The following FCHO2 variants were observed in gnomAD, a reference collection of about 807,000 sequenced individuals.
FCHO2 encodes the protein F-BAR domain only protein 2.
FCHO2 carries 43 observed loss-of-function variants against 114.1 expected under a neutral mutation model. That is an observed-to-expected ratio of 0.38 (90% CI 0.30 to 0.49). The LOEUF (loss-of-function observed/expected upper bound fraction) is 0.49, where lower values mean the gene tolerates loss of function less well. Ranked by LOEUF, FCHO2 falls within the 20% of genes least tolerant of loss-of-function variation. The pLI is 0.97. For missense variants in FCHO2, 807 were observed against 950.4 expected, an observed-to-expected ratio of 0.85 and a Z score of 1.98; for synonymous variants, 293 against 315.2, an observed-to-expected ratio of 0.93 and a Z score of 0.75.
At chr5:73,011,309 C>G (rs1016772737) in intron 6 of FCHO2, among the ~76,000 whole-genome samples, 3 of 152,048 alleles carry the variant, frequency 2.0e-5, no homozygotes, top group African/African-American at 4.8e-5. Flanking sequence ...TTAACCTTAG[C>G]TTATTGTAAC....
Position 73,052,507 on chromosome 5 carries a change from T to G in FCHO2, c.1173T>G (p.Ser391=). 6.3e-7 allele frequency: 1 copy of G among 1,582,296 alleles called. No homozygotes were observed. Among genetic ancestry groups the G allele is most frequent in the Non-Finnish European group, 8.6e-7 (1 of 1,163,158 alleles). ...IGNITLSPAI[S]RHSPVQMNRN... ...ATATAACACTCTCCCCAGCAATATC[T>G]GTAAGTACAAACACGTTTGTACTCT... The change falls in exon 13 of 26, where the codon TCT becomes TCG. Residue 391 remains serine (S), a splice_region_variant and synonymous_variant. Coordinates refer to ENST00000430046, the MANE Select transcript of FCHO2 (RefSeq NM_138782.3).
chr5:73,025,927 T>G (rs932554631), intron 8 of FCHO2, among the ~76,000 whole-genome samples: 2 of 152,228 alleles, frequency 1.3e-5, no homozygotes, highest in Non-Finnish European at 2.9e-5. Flanking sequence ...GGCGGATGAG[T>G]TCCACCCTAA....
At chr5:73,022,125 A>C (rs896044886) in intron 8 of FCHO2, among the ~76,000 whole-genome samples, 1 of 152,216 alleles carries the variant, frequency 6.6e-6, no homozygotes, top group Non-Finnish European at 1.5e-5. Flanking sequence ...CTAAGTGTAG[A>C]TATGTTGACA....
At chr5:73,054,113 T>A in intron 13 of FCHO2, 47 bp from the exon 14 acceptor site, 3 of 1,356,826 alleles carry the variant, frequency 2.2e-6, no homozygotes, top group Non-Finnish European at 3.0e-6. Flanking sequence ...AAAAATACAG[T>A]ATTCAGAATT....
At chr5:73,035,107 A>G (rs1265076033) in intron 9 of FCHO2, among the ~76,000 whole-genome samples, 1 of 152,108 alleles carries the variant, frequency 6.6e-6, no homozygotes, top group East Asian at 1.9e-4. Flanking sequence ...GTAACATTTC[A>G]TTAATTTATG....
intron 1 of FCHO2, among the ~76,000 whole-genome samples, chr5:72,956,645 A>G (rs1751562110): frequency 6.6e-6 from 1 of 152,154 alleles, no homozygotes; most frequent in South Asian, 2.1e-4. Context: ...GGGCTGGACT[A>G]GCACTTCCTC....
At chr5:72,983,129 G>C (rs1753315290) in intron 2 of FCHO2, among the ~76,000 whole-genome samples, 1 of 151,980 alleles carries the variant, frequency 6.6e-6, no homozygotes, top group Non-Finnish European at 1.5e-5. Flanking sequence ...ATCCAGGATG[G>C]TCTCGATCTC....
intron 2 of FCHO2, among the ~76,000 whole-genome samples, chr5:72,972,696 C>T (rs1752626358): frequency 2.0e-5 from 3 of 152,100 alleles, no homozygotes; most frequent in Admixed American, 2.0e-4. Context: ...CCTTTATTTC[C>T]TTCTCCTGCC....
At chr5:73,048,227 A>T (rs1184883224) in intron 11 of FCHO2, among the ~76,000 whole-genome samples, 1 of 151,918 alleles carries the variant, frequency 6.6e-6, no homozygotes, top group African/African-American at 2.4e-5. Flanking sequence ...AGGTGAGCAG[A>T]TCAACTGAGG....
intron 24 of FCHO2, among the ~76,000 whole-genome samples, chr5:73,085,937 A>G (rs1349252635): frequency 6.6e-6 from 1 of 151,882 alleles, no homozygotes; most frequent in Non-Finnish European, 1.5e-5. Context: ...AGCCTGGCCA[A>G]TATGGTGAAA....
At chr5:73,031,006 T>C (rs558918118) in intron 8 of FCHO2, among the ~76,000 whole-genome samples, 11 of 152,204 alleles carry the variant, frequency 7.2e-5, no homozygotes, top group Non-Finnish European at 1.5e-4. Flanking sequence ...CTTTTATAAA[T>C]GATACAACCT....
intron 21 of FCHO2, 67 bp downstream of exon 21, chr5:73,077,560 T>A (rs1306134991): frequency 3.4e-6 from 5 of 1,474,008 alleles, no homozygotes; most frequent in Non-Finnish European, 4.5e-6. Context: ...CTGTGCACAG[T>A]GGCTCACGCC....
chr5:73,014,905 G>A (rs917973688), intron 6 of FCHO2, among the ~76,000 whole-genome samples: 2 of 151,500 alleles, frequency 1.3e-5, no homozygotes, highest in African/African-American at 4.8e-5. Flanking sequence ...GGTGAAACCC[G>A]TCTCTACTAA....
chr5:73,023,271 A>T (rs754892541), intron 8 of FCHO2, among the ~76,000 whole-genome samples: 12 of 152,226 alleles, frequency 7.9e-5, no homozygotes, highest in Admixed American at 2.6e-4. Context: ...CATGTTATTA[A>T]TGTTTAAATA....
At chr5:72,966,745 AT>A (rs1752224288) in intron 1 of FCHO2, among the ~76,000 whole-genome samples, 2 of 152,220 alleles carry the variant, frequency 1.3e-5, no homozygotes, top group Non-Finnish European at 2.9e-5. Flanking sequence ...GTTTTGTATT[AT>A]GTAACACTTG....
chr5:73,076,727 GAA>G (rs1487552688), intron 20 of FCHO2, among the ~76,000 whole-genome samples: 1 of 152,178 alleles, frequency 6.6e-6, no homozygotes, highest in African/African-American at 2.4e-5. Flanking sequence ...TCAGTGAAAT[GAA>G]GAGCACAGTC....
At chr5:73,085,777 AAAATAAATAAATAAATAAAT>A (rs144379859) in intron 24 of FCHO2, among the ~76,000 whole-genome samples, 19,304 of 140,162 alleles carry the variant, frequency 0.14, 1,459 homozygotes, top group Non-Finnish European at 0.17. Context: ...TCTGTCTCAA[AAAATAAATAAATAAATAAAT>A]AAATAAATAA....
chr5:72,994,881 A>G (rs1338663641), intron 5 of FCHO2, among the ~76,000 whole-genome samples: 2 of 152,192 alleles, frequency 1.3e-5, no homozygotes, highest in African/African-American at 4.8e-5. Flanking sequence ...CAAATATTGC[A>G]TGTTCTCACT....
intron 1 of FCHO2, among the ~76,000 whole-genome samples, chr5:72,967,590 A>T (rs193243863): frequency 2.4e-4 from 37 of 152,306 alleles, no homozygotes; most frequent in Admixed American, 1.7e-3. Context: ...TTTCTTAATT[A>T]TGCTGCATAT....
Sources: allele counts gnomAD v4.1 joint callset (sites outside exome capture counted in the v4.1 genomes callset), GRCh38; gene constraint gnomAD v4.1.1; transcripts MANE v1.5; gene names NCBI Gene and HGNC (gene_info 2026-07-23, HGNC 2026-07-21).